SGCZ: variants seen among roughly 807,000 people sequenced by gnomAD.
SGCZ encodes sarcoglycan zeta.
SGCZ carries 40 observed loss-of-function variants against 41.3 expected under a neutral mutation model. The observed-to-expected ratio is 0.97, with a 90% CI of 0.75 to 1.26. The LOEUF (loss-of-function observed/expected upper bound fraction) is 1.26, where lower values mean the gene tolerates loss of function less well. Among genes scored for constraint, SGCZ ranks in the 50% most tolerant of loss-of-function variants. The pLI is 0.00. For missense variants in SGCZ, 552 were observed against 369.8 expected (o/e 1.49, Z -4.04); for synonymous variants, 206 against 137.5 (o/e 1.50, Z -3.49).
intron 2 of SGCZ, among the ~76,000 whole-genome samples, chr8:14,463,584 A>C (rs1201211078): frequency 2.6e-5 from 4 of 151,698 alleles, no homozygotes; most frequent in Non-Finnish European, 5.9e-5. Context: ...GGATTTGGTA[A>C]TGATTTCTTG....
At chr8:14,768,575 T>C (rs1446580010) in intron 1 of SGCZ, among the ~76,000 whole-genome samples, 8 of 152,224 alleles carry the variant, frequency 5.3e-5, no homozygotes, top group Admixed American at 4.6e-4. Flanking sequence ...TAAAATTATG[T>C]CTTTTTTGTC....
chr8:14,760,417 C>T (rs1003150512), intron 1 of SGCZ, among the ~76,000 whole-genome samples: 1 of 152,178 alleles, frequency 6.6e-6, no homozygotes, highest in Non-Finnish European at 1.5e-5. Flanking sequence ...AAAGTATCCA[C>T]CCTCTTTGTA....
chr8:14,314,483 T>C (rs1801651517), intron 3 of SGCZ, among the ~76,000 whole-genome samples: 1 of 152,200 alleles, frequency 6.6e-6, no homozygotes, highest in Non-Finnish European at 1.5e-5. Context: ...AGTCATAGTA[T>C]TGACTTTTAG....
intron 1 of SGCZ, among the ~76,000 whole-genome samples, chr8:15,221,022 G>A (rs1343787347): frequency 2.6e-5 from 4 of 152,052 alleles, no homozygotes; most frequent in Non-Finnish European, 5.9e-5. Flanking sequence ...GTCGGGTAGG[G>A]TATAGGGGGA....
intron 1 of SGCZ, among the ~76,000 whole-genome samples, chr8:14,829,530 G>A (rs1482496042): frequency 6.6e-6 from 1 of 152,142 alleles, no homozygotes; most frequent in East Asian, 1.9e-4. Flanking sequence ...TTATATTCAA[G>A]TAGAAAATAT....
At chr8:14,125,617 T>C (rs1802829939) in intron 5 of SGCZ, among the ~76,000 whole-genome samples, 1 of 151,898 alleles carries the variant, frequency 6.6e-6, no homozygotes, top group African/African-American at 2.4e-5. Context: ...TTCATAGAAT[T>C]AGAAAAAATA....
At chr8:14,394,881 G>A (rs144114486) in intron 2 of SGCZ, among the ~76,000 whole-genome samples, 55 of 152,226 alleles carry the variant, frequency 3.6e-4, no homozygotes, top group African/African-American at 1.3e-3. Flanking sequence ...GTCAGTGCAT[G>A]GGTGATATTG....
At chr8:14,435,601 A>G (rs974118659) in intron 2 of SGCZ, among the ~76,000 whole-genome samples, 11 of 152,240 alleles carry the variant, frequency 7.2e-5, no homozygotes, top group Non-Finnish European at 1.2e-4. Flanking sequence ...AGCATGGCCT[A>G]TATCTACAAT....
At chr8:14,762,597 A>T (rs192674926) in intron 1 of SGCZ, among the ~76,000 whole-genome samples, 154 of 152,296 alleles carry the variant, frequency 1.0e-3, no homozygotes, top group Non-Finnish European at 1.9e-3. Flanking sequence ...CAAATTCTAT[A>T]ACTAGCTCTT....
At chr8:14,174,162 G>A (rs1048611490) in intron 4 of SGCZ, among the ~76,000 whole-genome samples, 13 of 151,948 alleles carry the variant, frequency 8.6e-5, no homozygotes, top group African/African-American at 3.1e-4. Context: ...TAAGTGACCT[G>A]GAATAGTTAA....
chr8:14,447,288 G>A lies in SGCZ; in HGVS notation c.234+107444C>T, dbSNP rs76502109. Among the ~76,000 whole-genome samples the A allele has an allele frequency of 1.1e-3, 164 of 152,224 alleles. 6 individuals carry two copies. In the East Asian group the frequency reaches 0.028, roughly 26 times the overall value. On this transcript the variant is annotated intron_variant, in intron 2 of 7. Coordinates refer to ENST00000382080, the MANE Select transcript of SGCZ (RefSeq NM_139167.4). ...GATCTTTTCTTGCTAAAGTTGCTGGGATTTCCATGGTGTTTAATGCATGTT... is the reference window on the plus strand; with the variant it reads ...GATCTTTTCTTGCTAAAGTTGCTGGAATTTCCATGGTGTTTAATGCATGTT...
At chr8:14,666,084 G>A (rs890115698) in intron 1 of SGCZ, among the ~76,000 whole-genome samples, 2 of 152,096 alleles carry the variant, frequency 1.3e-5, no homozygotes, top group Non-Finnish European at 2.9e-5. Context: ...GCCCTTCTCA[G>A]ATTTTAAGTC....
intron 1 of SGCZ, among the ~76,000 whole-genome samples, chr8:15,195,304 G>A (rs1007366079): frequency 1.3e-5 from 2 of 152,120 alleles, no homozygotes; most frequent in South Asian, 2.1e-4. Context: ...ATGGTGTGCA[G>A]GACCTGTGTA....
chr8:15,146,297 T>C (rs557589814), intron 1 of SGCZ, among the ~76,000 whole-genome samples: 1 of 152,328 alleles, frequency 6.6e-6, no homozygotes, highest in East Asian at 1.9e-4. Flanking sequence ...AAGGAATATA[T>C]AATTATATAT....
intron 1 of SGCZ, among the ~76,000 whole-genome samples, chr8:14,587,742 A>G (rs1344663701): frequency 6.6e-6 from 1 of 152,184 alleles, no homozygotes; most frequent in Non-Finnish European, 1.5e-5. Context: ...ATGATGTTCA[A>G]TACTAAGTGT....
At chr8:14,235,503 T>C (rs1236021495) in intron 4 of SGCZ, among the ~76,000 whole-genome samples, 1 of 152,206 alleles carries the variant, frequency 6.6e-6, no homozygotes. Context: ...AACATTAAAA[T>C]CAGTTTGGAA....
intron 1 of SGCZ, among the ~76,000 whole-genome samples, chr8:14,756,177 A>G (rs563407593): frequency 5.7e-4 from 81 of 142,538 alleles, no homozygotes; most frequent in African/African-American, 1.9e-3. Context: ...TATTTTCAGT[A>G]GAAGTAAATT....
chr8:14,323,012 G>C (rs942134840), intron 3 of SGCZ, among the ~76,000 whole-genome samples: 1 of 152,032 alleles, frequency 6.6e-6, no homozygotes, highest in Non-Finnish European at 1.5e-5. Flanking sequence ...TCTGTCTACT[G>C]TGTTACTTGT....
chr8:14,179,443 T>C (rs1804651607), intron 4 of SGCZ, among the ~76,000 whole-genome samples: 1 of 152,170 alleles, frequency 6.6e-6, no homozygotes, highest in Non-Finnish European at 1.5e-5. Flanking sequence ...AGTGGACTTT[T>C]CAGGAGCTAC....
Sources: allele counts gnomAD v4.1 joint callset (sites outside exome capture counted in the v4.1 genomes callset), GRCh38; gene constraint gnomAD v4.1.1; transcripts MANE v1.5; gene names NCBI Gene and HGNC (gene_info 2026-07-23, HGNC 2026-07-21).